The following NSUN6 variants were observed in gnomAD, a reference collection of about 807,000 sequenced individuals.
NSUN6 encodes the protein tRNA (cytosine(72)-C(5))-methyltransferase NSUN6.
Under a neutral mutation model 58.0 loss-of-function variants are expected in NSUN6, and 64 were observed. That is an observed-to-expected ratio of 1.10 (90% confidence interval 0.90 to 1.36). The LOEUF (loss-of-function observed/expected upper bound fraction) is 1.36. Among genes scored for constraint, NSUN6 ranks in the 40% most tolerant of loss-of-function variants. NSUN6 has a pLI of 0.00. For missense variants in NSUN6, 701 were observed against 550.1 expected, an observed-to-expected ratio of 1.27 and a Z score of -2.74; for synonymous variants, 231 against 193.9, an observed-to-expected ratio of 1.19 and a Z score of -1.59.
At chr10:18,564,879 A>G (rs188395127) in intron 8 of NSUN6, among the ~76,000 whole-genome samples, 1 of 147,428 alleles carries the variant, frequency 6.8e-6, no homozygotes, top group Non-Finnish European at 1.5e-5. Flanking sequence ...TCCAGTCTCC[A>G]TTCCATTCCA....
At chr10:18,552,968 CTCCAT>C (rs549055903) in intron 8 of NSUN6, among the ~76,000 whole-genome samples, 49 of 144,084 alleles carry the variant, frequency 3.4e-4, no homozygotes, top group Admixed American at 9.6e-4. Flanking sequence ...ACATTCCATT[CTCCAT>C]TCCATTCCAT....
At position 18,628,891 on chromosome 10, in the gene NSUN6, G is replaced by A. The variant is rs1261117899; in HGVS notation, c.312-12598C>T. ...AAGGCAGGCCAACATTCAGATTCAGGAAATACAGAGAACGCCACAAAGATA... is the reference window on the plus strand; with the variant it reads ...AAGGCAGGCCAACATTCAGATTCAGAAAATACAGAGAACGCCACAAAGATA... On this transcript the variant is annotated intron_variant, in intron 3 of 10. Coordinates refer to ENST00000377304, the MANE Select transcript of NSUN6 (RefSeq NM_182543.5). 1.3e-5 allele frequency among the ~76,000 whole-genome samples: 2 copies of A among 152,102 alleles called. 1 individual carries two copies. The highest frequency in any genetic ancestry group is 4.8e-5 in the African/African-American group (2 of 41,424).
intron 8 of NSUN6, among the ~76,000 whole-genome samples, chr10:18,557,666 G>A (rs1177073193): frequency 6.7e-6 from 1 of 149,860 alleles, no homozygotes; most frequent in Non-Finnish European, 1.5e-5. Flanking sequence ...AATGGAGAAT[G>A]GAATGGAAAG....
chr10:18,575,760 G>A (rs1327555259), intron 8 of NSUN6, among the ~76,000 whole-genome samples: 3 of 152,182 alleles, frequency 2.0e-5, no homozygotes, highest in African/African-American at 7.2e-5. Context: ...CTTATGAGAT[G>A]CTCTATGGAT....
chr10:18,551,717 C>A (rs2054614922), intron 9 of NSUN6, 106 bp downstream of exon 9: 1 of 893,124 alleles, frequency 1.1e-6, no homozygotes, highest in African/African-American at 1.7e-5. Flanking sequence ...GTTGTTCCCA[C>A]CTTTTGGCTA....
intron 8 of NSUN6, among the ~76,000 whole-genome samples, chr10:18,555,190 A>T (rs575284170): frequency 1.1e-4 from 17 of 151,260 alleles, no homozygotes; most frequent in East Asian, 7.8e-4. Context: ...AATGGAATGG[A>T]GAATGGAATG....
chr10:18,588,212 T>A (rs1319523994), intron 7 of NSUN6, among the ~76,000 whole-genome samples: 1 of 152,222 alleles, frequency 6.6e-6, no homozygotes, highest in South Asian at 2.1e-4. Context: ...ACTGCTTCTC[T>A]AGATTCCTCC....
chr10:18,642,341 A>G, intron 3 of NSUN6, 135 bp downstream of exon 3: 1 of 574,646 alleles, frequency 1.7e-6, no homozygotes, highest in Admixed American at 3.2e-5. Flanking sequence ...GCATTTATGA[A>G]GTTTTGAATT....
rs770747881 is a variant in NSUN6 at position 18,648,661 on chromosome 10, T to A, written c.76-16A>T. The A allele has an allele frequency of 6.0e-6, 9 of 1,505,316 alleles. No homozygotes were observed. Among genetic ancestry groups the A allele is most frequent in the Non-Finnish European group, 7.3e-6 (8 of 1,088,486 alleles). 93.2% of individuals were successfully genotyped at this position (1,505,316 alleles called of 1,614,324 possible). On this transcript the variant is annotated splice_polypyrimidine_tract_variant and intron_variant, in intron 1 of 10. Transcript: ENST00000377304. Reference sequence around the variant, plus strand: ...CAGTCACAATCTAAAAAGAAGTTCATGTTTAAATTTCCTGAGAATTAAAAA... The same window carrying A: ...CAGTCACAATCTAAAAAGAAGTTCAAGTTTAAATTTCCTGAGAATTAAAAA...
chr10:18,635,594 T>TG (rs1437128203), intron 3 of NSUN6, among the ~76,000 whole-genome samples: 1 of 152,130 alleles, frequency 6.6e-6, no homozygotes, highest in African/African-American at 2.4e-5. Flanking sequence ...CCCAGTACTT[T>TG]GGGAAGCCAA....
intron 8 of NSUN6, among the ~76,000 whole-genome samples, chr10:18,557,083 T>C (rs544478060): frequency 6.7e-6 from 1 of 149,798 alleles, no homozygotes; most frequent in African/African-American, 2.5e-5. Context: ...CAGCATGGAA[T>C]GCAATGAAAT....
chr10:18,640,518 C>T (rs1366651961), intron 3 of NSUN6, among the ~76,000 whole-genome samples: 1 of 152,134 alleles, frequency 6.6e-6, no homozygotes, highest in African/African-American at 2.4e-5. Flanking sequence ...GTGTAGTAAC[C>T]TCCAAAGATC....
At chr10:18,566,498 T>A (rs1191494646) in intron 8 of NSUN6, among the ~76,000 whole-genome samples, 1 of 148,828 alleles carries the variant, frequency 6.7e-6, no homozygotes. Flanking sequence ...CTCCATTCCA[T>A]TCCATTCTCC....
Position 18,567,062 on chromosome 10 carries a change from TATTCCATTCTCC to T in NSUN6, c.923-15103_923-15092del, listed in dbSNP as rs138854744. The stretch of plus-strand genomic sequence containing the variant: ...CCATATTCTATTCCTTTCTCCATTC[TATTCCATTCTCC>T]ATTCCATTCCATTTTCCATACCATC... On this transcript the variant is annotated intron_variant, in intron 8 of 10. Coordinates refer to ENST00000377304, the MANE Select transcript of NSUN6 (RefSeq NM_182543.5). Among the ~76,000 whole-genome samples the T allele has an allele frequency of 3.5e-3, 519 of 149,698 alleles. 2 individuals are homozygous for T. Among genetic ancestry groups the T allele is most frequent in the African/African-American group, 0.012 (500 of 40,974 alleles).
intron 8 of NSUN6, among the ~76,000 whole-genome samples, chr10:18,572,948 T>C (rs2130995096): frequency 6.6e-6 from 1 of 151,426 alleles, no homozygotes; most frequent in East Asian, 2.0e-4. Flanking sequence ...CCTTTCTCCA[T>C]TCCATTCCAT....
chr10:18,551,244 T>TGTG (rs1554847994), intron 9 of NSUN6, among the ~76,000 whole-genome samples: 23 of 127,080 alleles, frequency 1.8e-4, no homozygotes, highest in African/African-American at 1.2e-4. Flanking sequence ...GTCCTCTCAG[T>TGTG]TGTGTGTGTG....
At chr10:18,636,103 A>T (rs982523069) in intron 3 of NSUN6, among the ~76,000 whole-genome samples, 41 of 151,858 alleles carry the variant, frequency 2.7e-4, no homozygotes, top group Admixed American at 1.2e-3. Context: ...GAACAACCAG[A>T]CTCAGCTAAC....
chr10:18,551,114 C>CT (rs1294682556), intron 9 of NSUN6, among the ~76,000 whole-genome samples: 6 of 152,096 alleles, frequency 3.9e-5, no homozygotes, highest in Middle Eastern at 3.4e-3. Context: ...AACTCAGTGA[C>CT]TTTTTTCAGA....
chr10:18,581,175 T>G (rs764908710), intron 8 of NSUN6, among the ~76,000 whole-genome samples: 11 of 152,040 alleles, frequency 7.2e-5, no homozygotes, highest in Non-Finnish European at 1.6e-4. Context: ...TCAGAGGCGT[T>G]TGAACCACCC....
Sources: gnomAD v4.1 joint callset for allele counts (sites outside exome capture counted in the v4.1 genomes callset) on GRCh38, gnomAD v4.1.1 for gene constraint, MANE v1.5 for transcripts, NCBI Gene and HGNC (gene_info 2026-07-23, HGNC 2026-07-21) for gene names.